SLC6A3: variants seen among roughly 807,000 people sequenced by gnomAD.
SLC6A3 encodes the protein solute carrier family 6 member 3.
A neutral mutation model predicts 70.4 loss-of-function variants in SLC6A3; 19 were observed. The observed-to-expected ratio is 0.27, with a 90% CI of 0.19 to 0.40. The LOEUF (loss-of-function observed/expected upper bound fraction) is 0.40, where lower values mean the gene tolerates loss of function less well. SLC6A3 is among the 10% of genes least tolerant of loss of function. The pLI, the probability that SLC6A3 is intolerant of heterozygous loss-of-function variation, is 1.00. For synonymous variants in SLC6A3, 368 were observed against 356.6 expected (o/e 1.03, Z -0.36); for missense variants, 613 against 838.5 (o/e 0.73, Z 3.32).
chr5:1,430,498 G>A (rs1040081108), intron 4 of SLC6A3, among the ~76,000 whole-genome samples: 1 of 152,150 alleles, frequency 6.6e-6, no homozygotes, highest in Non-Finnish European at 1.5e-5. Context: ...TTGAGAGACC[G>A]AACGCCTGCC....
intron 3 of SLC6A3, among the ~76,000 whole-genome samples, chr5:1,433,300 A>T (rs143976597): frequency 3.9e-5 from 6 of 152,176 alleles, no homozygotes; most frequent in Non-Finnish European, 7.4e-5. Flanking sequence ...AGGGTTACCC[A>T]GGAACACCCA....
chr5:1,405,922 G>C lies in SLC6A3; in HGVS notation c.1599+266C>G, dbSNP rs998123947. On this transcript the variant is annotated intron_variant, in intron 12 of 14. Transcript: ENST00000270349. The surrounding 1 kb of genome is among the most constrained non-coding windows in gnomAD (Gnocchi z 5.3). ...GCTTCCCCTCCCAACACAGAGGCGC[G>C]GCCCAAGTGCAGGACTCACAACGGA... Among the ~76,000 whole-genome samples, 3 of 152,204 alleles carry C rather than the reference G, an allele frequency of 2.0e-5. No homozygotes were observed. The highest frequency in any genetic ancestry group is 7.2e-5 in the African/African-American group (3 of 41,456).
intron 6 of SLC6A3, among the ~76,000 whole-genome samples, chr5:1,417,370 C>T (rs1232305778): frequency 6.6e-6 from 1 of 152,248 alleles, no homozygotes; most frequent in Non-Finnish European, 1.5e-5. Flanking sequence ...CTCAGAAAGG[C>T]ATGGACCCAT....
At chr5:1,412,309 TC>T (rs1756149108) in intron 8 of SLC6A3, among the ~76,000 whole-genome samples, 1 of 152,174 alleles carries the variant, frequency 6.6e-6, no homozygotes, top group Non-Finnish European at 1.5e-5. Context: ...TGAGACAGGC[TC>T]CTGTCAGCTG....
Position 1,394,318 on chromosome 5 carries a change from A to G in SLC6A3, c.*417T>C, listed in dbSNP as rs1365205789. 1 of 329,976 alleles carries G rather than the reference A, an allele frequency of 3.0e-6. No homozygotes were observed. The highest frequency in any genetic ancestry group is 5.7e-6 in the Non-Finnish European group (1 of 174,818). The allele number at this position is 329,976 out of a possible 1,614,324, so 20.4% of individuals were successfully genotyped here. On this transcript the variant is annotated 3_prime_UTR_variant, in exon 15 of 15. Transcript: ENST00000270349. The surrounding 1 kb of genome is among the most constrained non-coding windows in gnomAD (Gnocchi z 4.7). Reference sequence around the variant, plus strand: ...GGCAAAGTAAATGGTCTAGGAAGCTACTGTGAGCACGGGGATTCTCAGCAG... The same window carrying G: ...GGCAAAGTAAATGGTCTAGGAAGCTGCTGTGAGCACGGGGATTCTCAGCAG...
chr5:1,434,021 A>G (rs142654566), intron 3 of SLC6A3, among the ~76,000 whole-genome samples: 2 of 152,326 alleles, frequency 1.3e-5, no homozygotes, highest in Admixed American at 6.5e-5. Flanking sequence ...ACAGCCACCC[A>G]TGGCCATCCA....
At chr5:1,428,399 G>T (rs393795) in intron 4 of SLC6A3, among the ~76,000 whole-genome samples, 42,491 of 151,932 alleles carry the variant, frequency 0.28, 6,400 homozygotes, top group East Asian at 0.52. Context: ...TTTATATTAG[G>T]CAGTGTCGAT....
At chr5:1,403,183 TCA>T in intron 12 of SLC6A3, 94 bp from the exon 13 acceptor site, 1 of 1,422,580 alleles carries the variant, frequency 7.0e-7, no homozygotes, top group Non-Finnish European at 9.7e-7. Context: ...AGAGCGTCTC[TCA>T]GCCCCCACAG....
chr5:1,425,612 A>G (rs1375569213), intron 4 of SLC6A3, among the ~76,000 whole-genome samples: 2 of 152,236 alleles, frequency 1.3e-5, no homozygotes, highest in Non-Finnish European at 2.9e-5. Context: ...AATTTTCACA[A>G]TCTTGGACTT....
chr5:1,400,999 G>A lies in SLC6A3; in HGVS notation c.1768-13C>T. ...CGTAGGCCAGTTTCTGAAAGAGAAA[G>A]AGAGTGCAGGGGTCAGTGCAGACCA... is the stretch of plus-strand genomic sequence containing the variant. On this transcript the variant is annotated splice_polypyrimidine_tract_variant and intron_variant, in intron 13 of 14. Transcript: ENST00000270349. 1 of 1,585,638 alleles carries A rather than the reference G, an allele frequency of 6.3e-7. No homozygotes were observed. Among genetic ancestry groups the A allele is most frequent in the South Asian group, 1.1e-5 (1 of 87,744 alleles).
chr5:1,402,908 G>C lies in SLC6A3; in HGVS notation c.1767+14C>G. ...CCTCACACTCGGGTGAAGGCGCCCC[G>C]TCCAAATACCCACCTCTCGAAAGGA... is the stretch of plus-strand genomic sequence containing the variant. On this transcript the variant is annotated intron_variant, in intron 13 of 14. Coordinates refer to ENST00000270349, the MANE Select transcript of SLC6A3 (RefSeq NM_001044.5). The surrounding 1 kb of genome is among the most constrained non-coding windows in gnomAD (Gnocchi z 8.5). The C allele has an allele frequency of 6.2e-7, 1 of 1,612,328 alleles. No individual in the cohort carries two copies. The highest frequency in any genetic ancestry group is 8.5e-7 in the Non-Finnish European group (1 of 1,179,852).
chr5:1,412,557 T>C (rs1309931160), intron 8 of SLC6A3, among the ~76,000 whole-genome samples: 1 of 152,180 alleles, frequency 6.6e-6, no homozygotes, highest in Non-Finnish European at 1.5e-5. Context: ...GACGAGAGTG[T>C]GGCAGGCAGG....
intron 3 of SLC6A3, among the ~76,000 whole-genome samples, chr5:1,435,114 C>T (rs192613254): frequency 7.5e-4 from 114 of 152,186 alleles, no homozygotes; most frequent in African/African-American, 2.4e-3. Flanking sequence ...CAGTCTGTCA[C>T]GGATTGCCTT....
rs767919132 is a variant in SLC6A3, at chr5:1,443,156, C to A, written c.42G>T (p.Val14=). 7 of 1,614,260 alleles carry A rather than the reference C, an allele frequency of 4.3e-6. No homozygotes were observed. Among genetic ancestry groups the A allele is most frequent in the Middle Eastern group, 1.6e-4 (1 of 6,062 alleles). The part of the protein sequence containing the change: ...SKCSVGLMSS[V]VAPAKEPNAV... ...CATTGGGCTCCTTAGCCGGGGCCAC[C>A]ACGGAAGACATGAGTCCCACGGAGC... is the stretch of plus-strand genomic sequence containing the variant. Residue 14 remains valine, a synonymous_variant, in exon 2 of 15, where the codon GTG becomes GTT. Transcript: ENST00000270349.
rs368385080 is a variant in SLC6A3 at position 1,432,740 on chromosome 5, C to A, written c.419-42G>T. On this transcript the variant is annotated intron_variant, in intron 3 of 14. Coordinates refer to ENST00000270349, the MANE Select transcript of SLC6A3 (RefSeq NM_001044.5). ...GGCCATGGAGCCCACGCAGGTGGAGCACAGAGCCACCATCAGCAACGTGTC... is the reference window on the plus strand; with the variant it reads ...GGCCATGGAGCCCACGCAGGTGGAGAACAGAGCCACCATCAGCAACGTGTC... The A allele has an allele frequency of 1.8e-5, 25 of 1,419,146 alleles. No homozygotes were observed. The African/African-American group carries it at 3.1e-4, about 18-fold the overall frequency. The allele number at this position is 1,419,146 out of a possible 1,614,324, so 87.9% of individuals were successfully genotyped here. A position where few individuals can be genotyped will look rare whatever the true frequency, so the allele number is the denominator to read the frequency against.
rs977902551 is a variant in SLC6A3, at chr5:1,411,536, G to T, written c.1157-181C>A. The stretch of plus-strand genomic sequence containing the variant: ...GACCAGGCCTGGGACTCAGGAAAGC[G>T]GAAACCCAGAACTGATCAGAGGGCT... On this transcript the variant is annotated intron_variant, in intron 8 of 14. Transcript: ENST00000270349. This position sits in a 1 kb window ranked among gnomAD's most constrained non-coding sequence, Gnocchi z 6.5. Among the ~76,000 whole-genome samples the T allele has an allele frequency of 1.3e-5, 2 of 152,178 alleles. No individual in the cohort carries two copies. Among genetic ancestry groups the T allele is most frequent in the Admixed American group, 1.3e-4 (2 of 15,286 alleles).
In SLC6A3 at chr5:1,436,478, C is replaced by CCCT. The variant is rs1430095817; in HGVS notation, c.419-3783_419-3781dup. Reference sequence around the variant, plus strand: ...TTCATGAGAACATGGCGCTTCCCTTCCCTCCTGTCTGACTCCCAGGAAGCT... The same window carrying CCCT: ...TTCATGAGAACATGGCGCTTCCCTTCCCTCCTCCTGTCTGACTCCCAGGAAGCT... On this transcript the variant is annotated intron_variant, in intron 3 of 14. Transcript: ENST00000270349. This position sits in a 1 kb window ranked among gnomAD's most constrained non-coding sequence, Gnocchi z 5.2. Among the ~76,000 whole-genome samples the CCCT allele has an allele frequency of 6.6e-6, 1 of 152,222 alleles. No homozygotes were observed. Among genetic ancestry groups the CCCT allele is most frequent in the African/African-American group, 2.4e-5 (1 of 41,446 alleles).
In SLC6A3 at chr5:1,394,875, T is replaced by A; in HGVS notation, c.1840-117A>T. 1 of 1,140,096 alleles carries A rather than the reference T, an allele frequency of 8.8e-7. No homozygotes were observed. 70.6% of individuals were successfully genotyped at this position (1,140,096 alleles called of 1,614,324 possible). A position where few individuals can be genotyped will look rare whatever the true frequency, so the allele number is the denominator to read the frequency against. On this transcript the variant is annotated intron_variant, in intron 14 of 14. Transcript: ENST00000270349. The surrounding 1 kb of genome is among the most constrained non-coding windows in gnomAD (Gnocchi z 4.7). Reference sequence around the variant, plus strand: ...CAGACAGTTTGCAGCCTCCTGGCCATGTGCCCTGGGAGAAGGGGAGGCTCA... The same window carrying A: ...CAGACAGTTTGCAGCCTCCTGGCCAAGTGCCCTGGGAGAAGGGGAGGCTCA...
intron 3 of SLC6A3, among the ~76,000 whole-genome samples, chr5:1,440,323 AGATG>A (rs1756944072): frequency 6.6e-6 from 1 of 151,986 alleles, no homozygotes; most frequent in African/African-American, 2.4e-5. Context: ...ATCGATAGGT[AGATG>A]GATGGATCAA....
Sources: allele counts gnomAD v4.1 joint callset (sites outside exome capture counted in the v4.1 genomes callset), GRCh38; gene constraint gnomAD v4.1.1; non-coding constraint Gnocchi (gnomAD v3.1); transcripts MANE v1.5; gene names NCBI Gene and HGNC (gene_info 2026-07-23, HGNC 2026-07-21).